Variants in VWA3B observed in about 807,000 individuals in gnomAD.
The protein encoded by VWA3B is von Willebrand factor A domain-containing protein 3B.
In VWA3B, 138 loss-of-function variants were observed where a neutral mutation model predicts 158.3. That is an observed-to-expected ratio of 0.87 (90% CI 0.76 to 1.00). VWA3B has a LOEUF of 1.00. Among genes scored for constraint, VWA3B ranks in the 50% least tolerant of loss-of-function variants. The pLI, the probability that VWA3B is intolerant of heterozygous loss-of-function variation, is 0.00. For synonymous variants in VWA3B, 596 were observed against 587.3 expected (o/e 1.01, Z -0.21); for missense variants, 1,555 against 1,565.1 (o/e 0.99, Z 0.11).
At chr2:98,303,022 A>G (rs1354203355) in intron 25 of VWA3B, among the ~76,000 whole-genome samples, 1 of 152,224 alleles carries the variant, frequency 6.6e-6, no homozygotes, top group South Asian at 2.1e-4. Flanking sequence ...GTAGAGAAAC[A>G]TCTGGAAGGG....
intron 3 of VWA3B, 115 bp downstream of exon 3, chr2:98,115,861 C>A: frequency 2.6e-6 from 2 of 765,498 alleles, no homozygotes; most frequent in Non-Finnish European, 4.2e-6. Context: ...TGAGCCAAGC[C>A]CTTATTAGGC....
At chr2:98,230,504 AGT>A (rs1176799621) in intron 16 of VWA3B, among the ~76,000 whole-genome samples, 1 of 151,738 alleles carries the variant, frequency 6.6e-6, no homozygotes, top group Admixed American at 6.6e-5. Flanking sequence ...TACCCGTGTG[AGT>A]GTGTGTGTGT....
At chr2:98,107,117 G>A (rs1486395781) in intron 2 of VWA3B, among the ~76,000 whole-genome samples, 1 of 151,966 alleles carries the variant, frequency 6.6e-6, no homozygotes, top group Non-Finnish European at 1.5e-5. Context: ...ATATTTCTTT[G>A]TTAGCCTGTT....
intron 9 of VWA3B, among the ~76,000 whole-genome samples, chr2:98,183,323 G>T (rs1308517032): frequency 6.6e-6 from 1 of 151,770 alleles, no homozygotes; most frequent in Non-Finnish European, 1.5e-5. Flanking sequence ...AACTAAGGCT[G>T]TGAAATAGGT....
Position 98,202,668 on chromosome 2 carries a change from G to A in VWA3B, c.1737+8176G>A, listed in dbSNP as rs553450083. Among the ~76,000 whole-genome samples the A allele has an allele frequency of 3.9e-5, 6 of 152,024 alleles. No homozygotes were observed. In the East Asian group the frequency reaches 7.7e-4, roughly 20 times the overall value. ...TTTTATAACTATTTTTGTTCAGTTC[G>A]AGATGTCATTTCTAAAGACTTGGCC... is the stretch of plus-strand genomic sequence containing the variant. On this transcript the variant is annotated intron_variant, in intron 12 of 27. Coordinates refer to ENST00000477737, the MANE Select transcript of VWA3B (RefSeq NM_144992.5).
chr2:98,217,579 G>C (rs1483483017), intron 13 of VWA3B, among the ~76,000 whole-genome samples: 2 of 152,166 alleles, frequency 1.3e-5, no homozygotes, highest in Non-Finnish European at 2.9e-5. Context: ...GACTTGGTTG[G>C]CCGAATCTTT....
At chr2:98,117,378 G>A (rs1170720971) in intron 3 of VWA3B, among the ~76,000 whole-genome samples, 3 of 152,294 alleles carry the variant, frequency 2.0e-5, no homozygotes, top group African/African-American at 2.4e-5. Context: ...GAGGGCCAAC[G>A]CTCAGCTCAG....
At chr2:98,272,416 C>G (rs2105892377) in intron 22 of VWA3B, among the ~76,000 whole-genome samples, 1 of 152,306 alleles carries the variant, frequency 6.6e-6, no homozygotes, top group South Asian at 2.1e-4. Flanking sequence ...GTGGGCCACC[C>G]TCCAGGAGCC....
At chr2:98,244,587 T>A (rs982978910) in intron 19 of VWA3B, among the ~76,000 whole-genome samples, 2 of 152,160 alleles carry the variant, frequency 1.3e-5, no homozygotes, top group East Asian at 3.8e-4. Flanking sequence ...AAAAAAGTTT[T>A]GAATCTCAGC....
rs949148919 is a variant in VWA3B at position 98,161,504 on chromosome 2, A to G, written c.989-1347A>G. ...GGCACTAAGGACACCATGTTGAATCATAAGGTGGCTGAAGACAGAAGGATG... is the reference window on the plus strand; with the variant it reads ...GGCACTAAGGACACCATGTTGAATCGTAAGGTGGCTGAAGACAGAAGGATG... On this transcript the variant is annotated intron_variant, in intron 7 of 27. Coordinates refer to ENST00000477737, the MANE Select transcript of VWA3B (RefSeq NM_144992.5). Among the ~76,000 whole-genome samples, 4 of 152,290 alleles carry G rather than the reference A, an allele frequency of 2.6e-5. No individual in the cohort carries two copies. In the East Asian group the frequency reaches 7.7e-4, roughly 29 times the overall value.
intron 7 of VWA3B, among the ~76,000 whole-genome samples, chr2:98,156,174 T>C (rs1032384300): frequency 2.0e-5 from 3 of 152,216 alleles, no homozygotes; most frequent in Non-Finnish European, 4.4e-5. Context: ...GTTCATTTTG[T>C]ATTTCCAGTG....
chr2:98,101,119 T>C (rs1219455352), intron 2 of VWA3B, among the ~76,000 whole-genome samples: 2 of 152,204 alleles, frequency 1.3e-5, no homozygotes, highest in Non-Finnish European at 2.9e-5. Context: ...AGGCCACTGA[T>C]TAAAACAATA....
intron 26 of VWA3B, 46 bp from the exon 27 acceptor site, chr2:98,311,773 C>T: frequency 2.0e-6 from 3 of 1,504,766 alleles, no homozygotes; most frequent in Non-Finnish European, 2.7e-6. Context: ...TCTGTAGACC[C>T]CGCAGCCATC....
At chr2:98,298,444 A>ATTCTATTCTATTCTG (rs1689971986) in intron 24 of VWA3B, among the ~76,000 whole-genome samples, 1 of 145,240 alleles carries the variant, frequency 6.9e-6, no homozygotes, top group Non-Finnish European at 1.6e-5. Flanking sequence ...ATTCTATTCT[A>ATTCTATTCTATTCTG]TGCCATGCCA....
At chr2:98,175,521 G>C (rs555712315) in intron 8 of VWA3B, among the ~76,000 whole-genome samples, 1 of 152,272 alleles carries the variant, frequency 6.6e-6, no homozygotes, top group South Asian at 2.1e-4. Flanking sequence ...AGGTTACCCA[G>C]TCTGAAGAAC....
chr2:98,183,669 T>C (rs1187772389), intron 9 of VWA3B, among the ~76,000 whole-genome samples: 2 of 152,220 alleles, frequency 1.3e-5, no homozygotes, highest in Admixed American at 1.3e-4. Flanking sequence ...TTCAAACAAA[T>C]ATTTATGGAG....
chr2:98,168,270 A>G (rs1679264917), intron 8 of VWA3B, among the ~76,000 whole-genome samples: 3 of 152,130 alleles, frequency 2.0e-5, no homozygotes, highest in East Asian at 1.9e-4. Flanking sequence ...TTAAGAGTTA[A>G]CAGAAGGTCT....
intron 22 of VWA3B, among the ~76,000 whole-genome samples, chr2:98,286,279 G>A (rs1306830201): frequency 6.6e-6 from 1 of 152,024 alleles, no homozygotes; most frequent in Admixed American, 6.6e-5. Flanking sequence ...ATGCCTGACT[G>A]TACTGGCTAG....
chr2:98,142,128 G>A (rs2105107935), intron 7 of VWA3B, among the ~76,000 whole-genome samples: 1 of 152,276 alleles, frequency 6.6e-6, no homozygotes, highest in Middle Eastern at 3.4e-3. Context: ...ATCAGGAGGT[G>A]GGGTCTAGTC....
Sources: gnomAD v4.1 joint callset for allele counts (sites outside exome capture counted in the v4.1 genomes callset) on GRCh38, gnomAD v4.1.1 for gene constraint, MANE v1.5 for transcripts, NCBI Gene and HGNC (gene_info 2026-07-23, HGNC 2026-07-21) for gene names.